JPH3: variants seen among roughly 807,000 people sequenced by gnomAD.
The protein encoded by JPH3 is junctophilin 3, also known as junctophilin-3.
In JPH3, 11 loss-of-function variants were observed where a neutral mutation model predicts 59.6. The observed-to-expected ratio is 0.18, with a 90% CI of 0.12 to 0.31. JPH3 has a LOEUF of 0.31. JPH3 is among the 10% of genes least tolerant of loss of function. JPH3 has a pLI of 1.00. For missense variants in JPH3, 1,202 were observed against 1,105.7 expected (o/e 1.09, Z -1.24); for synonymous variants, 673 against 483.6 (o/e 1.39, Z -5.14).
intron 2 of JPH3, among the ~76,000 whole-genome samples, chr16:87,655,323 A>G (rs1418345444): frequency 6.6e-6 from 1 of 152,028 alleles, no homozygotes; most frequent in Non-Finnish European, 1.5e-5. Flanking sequence ...CTCCCTGGTT[A>G]CAAAACAAAT....
intron 1 of JPH3, among the ~76,000 whole-genome samples, chr16:87,630,466 T>G (rs75107764): frequency 6.6e-6 from 1 of 151,162 alleles, no homozygotes; most frequent in Non-Finnish European, 1.5e-5. Context: ...GGAGCAGGAC[T>G]GTGCATCGAG....
intron 2 of JPH3, among the ~76,000 whole-genome samples, chr16:87,656,380 G>A (rs1028074003): frequency 2.6e-5 from 4 of 152,230 alleles, no homozygotes; most frequent in African/African-American, 7.2e-5. Context: ...CACCAGAGTG[G>A]CCAGTCCATG....
At chr16:87,686,316 G>C (rs950527440) in intron 3 of JPH3, among the ~76,000 whole-genome samples, 4 of 151,672 alleles carry the variant, frequency 2.6e-5, no homozygotes, top group African/African-American at 7.3e-5. Flanking sequence ...GCTTCCTGGA[G>C]GGCTCAGTCC....
intron 1 of JPH3, chr16:87,603,957 TG>T: frequency 4.5e-6 from 2 of 447,038 alleles, no homozygotes; most frequent in Non-Finnish European, 5.9e-6. Context: ...GCTTCGCTTC[TG>T]GTGTTCCTGC....
intron 2 of JPH3, chr16:87,655,006 G>T (rs150273734): frequency 1.3e-5 from 2 of 152,152 alleles, no homozygotes; most frequent in Non-Finnish European, 2.9e-5. Flanking sequence ...TCCCCCGGGG[G>T]CATGGCCCGG....
At chr16:87,663,068 CA>C (rs2032755658) in intron 2 of JPH3, among the ~76,000 whole-genome samples, 1 of 151,952 alleles carries the variant, frequency 6.6e-6, no homozygotes. Context: ...AGTTTTGATC[CA>C]GGGCTACAGA....
intron 2 of JPH3, among the ~76,000 whole-genome samples, chr16:87,671,058 C>CA (rs1162660509): frequency 2.6e-5 from 4 of 152,206 alleles, no homozygotes; most frequent in Non-Finnish European, 5.9e-5. Flanking sequence ...CCATGCCCAG[C>CA]AGGGCCCTGC....
chr16:87,659,772 C>T (rs2032642019), intron 2 of JPH3, among the ~76,000 whole-genome samples: 1 of 152,082 alleles, frequency 6.6e-6, no homozygotes, highest in Admixed American at 6.6e-5. Flanking sequence ...TTTAAGTGTA[C>T]CGTAAGTGGC....
chr16:87,613,595 A>G (rs965215637), intron 1 of JPH3, among the ~76,000 whole-genome samples: 2 of 152,198 alleles, frequency 1.3e-5, no homozygotes, highest in African/African-American at 4.8e-5. Context: ...TGCTGGGATT[A>G]CAGGTGTGAG....
At chr16:87,634,742 C>T (rs945675606) in intron 1 of JPH3, among the ~76,000 whole-genome samples, 4 of 152,192 alleles carry the variant, frequency 2.6e-5, no homozygotes, top group Non-Finnish European at 4.4e-5. Flanking sequence ...CAGTCCAGAA[C>T]GGAGGCTGTG....
Position 87,637,651 on chromosome 16 carries a change from C to T in JPH3, c.383-6607C>T, listed in dbSNP as rs191490166. 9.8e-4 allele frequency among the ~76,000 whole-genome samples: 149 copies of T among 152,250 alleles called. No homozygotes were observed. The East Asian group carries it at 0.013, about 14-fold the overall frequency. ...TCTGCTCTCCTTTCCAGATCTGGGA[C>T]TTTCTCGGGGACAACCCTGGGATAA... On this transcript the variant is annotated intron_variant, in intron 1 of 4. Coordinates refer to ENST00000284262, the MANE Select transcript of JPH3 (RefSeq NM_020655.4).
intron 3 of JPH3, among the ~76,000 whole-genome samples, chr16:87,685,358 G>A (rs2033391818): frequency 6.6e-6 from 1 of 152,218 alleles, no homozygotes; most frequent in African/African-American, 2.4e-5. Flanking sequence ...GGCCCCTCCA[G>A]ACACACGCAC....
chr16:87,648,728 G>A (rs947008267), intron 2 of JPH3, among the ~76,000 whole-genome samples: 1 of 152,210 alleles, frequency 6.6e-6, no homozygotes, highest in African/African-American at 2.4e-5. Flanking sequence ...GGCACAGGAT[G>A]GATACCCTCC....
At chr16:87,677,549 A>G (rs1371366397) in intron 2 of JPH3, among the ~76,000 whole-genome samples, 2 of 152,000 alleles carry the variant, frequency 1.3e-5, no homozygotes, top group African/African-American at 4.8e-5. Context: ...TCCTTACTAA[A>G]CCCCCTGCAC....
At chr16:87,602,084 G>C (rs2030217620), upstream of JPH3, 1 of 151,936 alleles carries the variant, frequency 6.6e-6, no homozygotes. Flanking sequence ...GAGGGGCGAG[G>C]CGCGGGGGCG....
intron 4 of JPH3, among the ~76,000 whole-genome samples, chr16:87,691,698 G>A (rs1457391355): frequency 6.6e-6 from 1 of 152,158 alleles, no homozygotes; most frequent in Non-Finnish European, 1.5e-5. Context: ...TGGAACCACT[G>A]CGGACGTCTG....
At chr16:87,661,462 G>A (rs1023207067) in intron 2 of JPH3, among the ~76,000 whole-genome samples, 2 of 152,240 alleles carry the variant, frequency 1.3e-5, no homozygotes, top group Non-Finnish European at 2.9e-5. Flanking sequence ...ACTCTCTTTA[G>A]GGGGAGCAAA....
At chr16:87,612,169 T>G (rs2030753401) in intron 1 of JPH3, among the ~76,000 whole-genome samples, 1 of 152,196 alleles carries the variant, frequency 6.6e-6, no homozygotes, top group African/African-American at 2.4e-5. Flanking sequence ...TCTGTCGTCC[T>G]GGCGTGCAAT....
At chr16:87,660,186 C>T (rs935826227) in intron 2 of JPH3, among the ~76,000 whole-genome samples, 1 of 152,190 alleles carries the variant, frequency 6.6e-6, no homozygotes, top group Non-Finnish European at 1.5e-5. Context: ...ACTAGCTGTG[C>T]GTCTCAGTAA....
Sources: gnomAD v4.1 joint callset for allele counts (sites outside exome capture counted in the v4.1 genomes callset) on GRCh38, gnomAD v4.1.1 for gene constraint, MANE v1.5 for transcripts, NCBI Gene and HGNC (gene_info 2026-07-23, HGNC 2026-07-21) for gene names.